Variants in CCNY observed in about 807,000 individuals in gnomAD.
CCNY encodes the protein cyclin-Y.
In CCNY, 19 loss-of-function variants were observed where a neutral mutation model predicts 42.8. The ratio of observed to expected loss-of-function variants is 0.44; its 90% CI spans 0.31 to 0.65. The LOEUF (loss-of-function observed/expected upper bound fraction) is 0.65, where lower values mean the gene tolerates loss of function less well. CCNY is among the 30% of genes least tolerant of loss of function. The pLI is 0.07. For synonymous variants in CCNY, 165 were observed against 162.7 expected, an observed-to-expected ratio of 1.01 and a Z score of -0.11; for missense variants, 370 against 437.3, an observed-to-expected ratio of 0.85 and a Z score of 1.37.
At chr10:35,485,701 G>A (rs574223517) in intron 2 of CCNY, among the ~76,000 whole-genome samples, 1 of 150,080 alleles carries the variant, frequency 6.7e-6, no homozygotes, top group South Asian at 2.1e-4. Flanking sequence ...CTCTGGCCTG[G>A]GCGACAGAGC....
intron 3 of CCNY, among the ~76,000 whole-genome samples, chr10:35,260,353 G>C (rs1421875431): frequency 1.3e-5 from 2 of 152,122 alleles, no homozygotes; most frequent in African/African-American, 4.8e-5. Context: ...GGCTGCCCCT[G>C]CTCCCACTAT....
chr10:35,293,742 G>A (rs930524804), intron 3 of CCNY, among the ~76,000 whole-genome samples: 5 of 149,662 alleles, frequency 3.3e-5, no homozygotes, highest in Non-Finnish European at 5.9e-5. Context: ...TGTCTTCTAA[G>A]TTTCATTTTC....
chr10:35,309,818 G>T (rs760070974), intron 3 of CCNY, among the ~76,000 whole-genome samples: 1 of 149,592 alleles, frequency 6.7e-6, no homozygotes, highest in Non-Finnish European at 1.5e-5. Flanking sequence ...TATTTATTTA[G>T]AGACAGAGTC....
At position 35,325,715 on chromosome 10, in the gene CCNY, C is replaced by T. The variant is rs1451997882; in HGVS notation, c.-9+75089C>T. The stretch of plus-strand genomic sequence containing the variant: ...AACTCCCTATCTCAGGTGATCCACC[C>T]GCCTCGGCCTCCCAAAGTGCTGGGA... On this transcript the variant is annotated intron_variant, in intron 3 of 11. Coordinates refer to the CCNY transcript ENST00000374706. Among the ~76,000 whole-genome samples, 5 of 152,076 alleles carry T rather than the reference C, an allele frequency of 3.3e-5. No homozygotes were observed. In the South Asian group the frequency reaches 6.2e-4, roughly 19 times the overall value.
intron 3 of CCNY, among the ~76,000 whole-genome samples, chr10:35,259,985 A>G (rs1056720123): frequency 6.6e-6 from 1 of 151,930 alleles, no homozygotes; most frequent in African/African-American, 2.4e-5. Flanking sequence ...TATTATACTA[A>G]TGTCCCAGGA....
intron 7 of CCNY, among the ~76,000 whole-genome samples, chr10:35,548,515 C>T (rs1841168742): frequency 6.6e-6 from 1 of 152,048 alleles, no homozygotes; most frequent in Admixed American, 6.5e-5. Context: ...CCAGGATGGT[C>T]TCGATCTCCT....
At chr10:35,446,087 G>A (rs1339617007) in intron 1 of CCNY, among the ~76,000 whole-genome samples, 1 of 152,086 alleles carries the variant, frequency 6.6e-6, no homozygotes, top group Non-Finnish European at 1.5e-5. Context: ...TCTCACGGGA[G>A]GATTAAACAC....
At chr10:35,340,504 C>CT (rs1210434335) in intron 1 of CCNY, among the ~76,000 whole-genome samples, 1,921 of 132,694 alleles carry the variant, frequency 0.014, 28 homozygotes, top group African/African-American at 0.028. Flanking sequence ...CAACTTCATT[C>CT]TTTTTTTTTT....
intron 1 of CCNY, among the ~76,000 whole-genome samples, chr10:35,449,556 G>A (rs1214044421): frequency 6.6e-6 from 1 of 151,792 alleles, no homozygotes. Flanking sequence ...GAGGCTGGTT[G>A]AGAGCTGTAG....
rs557630166 is a variant in CCNY, at chr10:35,460,978, G to A, written c.155-22426G>A. Among the ~76,000 whole-genome samples the A allele has an allele frequency of 5.9e-5, 9 of 152,296 alleles. No homozygotes were observed. In the East Asian group the frequency reaches 1.7e-3, roughly 29 times the overall value. ...ATCCACTTATTATAAACTGAGGGAG[G>A]GATGTGAAGAGTGGGGAGCAGTGGG... On this transcript the variant is annotated intron_variant, in intron 1 of 9. Transcript: ENST00000374704.
intron 3 of CCNY, among the ~76,000 whole-genome samples, chr10:35,275,075 T>C (rs1835221937): frequency 7.0e-6 from 1 of 142,682 alleles, no homozygotes; most frequent in East Asian, 2.0e-4. Context: ...TTTTTTTTTT[T>C]TTTTTTGAGA....
chr10:35,287,983 G>C (rs1019798732), intron 3 of CCNY, among the ~76,000 whole-genome samples: 3 of 152,114 alleles, frequency 2.0e-5, no homozygotes, highest in African/African-American at 7.2e-5. Context: ...ACCTAGGAGA[G>C]GGATTCCTAG....
intron 1 of CCNY, among the ~76,000 whole-genome samples, chr10:35,397,550 G>T (rs1479848418): frequency 6.6e-6 from 1 of 152,168 alleles, no homozygotes; most frequent in Admixed American, 6.5e-5. Flanking sequence ...ATTCTAGGAG[G>T]TAGGGGAGAG....
At chr10:35,431,950 T>G (rs1042150205) in intron 1 of CCNY, among the ~76,000 whole-genome samples, 1 of 152,212 alleles carries the variant, frequency 6.6e-6, no homozygotes, top group African/African-American at 2.4e-5. Context: ...TATGGAAGTT[T>G]ATAAGGTATT....
Position 35,348,915 on chromosome 10 carries a change from C to G in CCNY, c.154+11708C>G, listed in dbSNP as rs141364681. On this transcript the variant is annotated intron_variant, in intron 1 of 9. Coordinates refer to ENST00000374704, the MANE Select transcript of CCNY (RefSeq NM_145012.6). ...TTTTTTTTTGAAAATGAACCTTACTCTTGTATCCAGGATATTTTGTAAGGG... is the reference window on the plus strand; with the variant it reads ...TTTTTTTTTGAAAATGAACCTTACTGTTGTATCCAGGATATTTTGTAAGGG... Among the ~76,000 whole-genome samples the G allele has an allele frequency of 1.9e-4, 29 of 151,394 alleles. No individual in the cohort carries two copies. In the East Asian group the frequency reaches 5.2e-3, roughly 27 times the overall value.
chr10:35,307,200 T>A (rs1010167621), intron 3 of CCNY, among the ~76,000 whole-genome samples: 1 of 152,120 alleles, frequency 6.6e-6, no homozygotes, highest in Non-Finnish European at 1.5e-5. Flanking sequence ...TTAAGCGAGT[T>A]TATAAATTGA....
At chr10:35,520,638 A>T (rs1840528724) in intron 4 of CCNY, among the ~76,000 whole-genome samples, 1 of 152,152 alleles carries the variant, frequency 6.6e-6, no homozygotes, top group Non-Finnish European at 1.5e-5. Context: ...AAATAAACGT[A>T]TTTGCAAATT....
At chr10:35,548,378 A>T (rs1207741276) in intron 7 of CCNY, among the ~76,000 whole-genome samples, 1 of 150,724 alleles carries the variant, frequency 6.6e-6, no homozygotes, top group Non-Finnish European at 1.5e-5. Context: ...GGCTCACTGC[A>T]GCCTCCGCCT....
intron 3 of CCNY, among the ~76,000 whole-genome samples, chr10:35,507,675 C>T (rs909497136): frequency 1.3e-5 from 2 of 152,170 alleles, no homozygotes; most frequent in African/African-American, 4.8e-5. Flanking sequence ...GGGTTTCACT[C>T]CAGCCTGACA....
Sources: allele counts gnomAD v4.1 joint callset (sites outside exome capture counted in the v4.1 genomes callset), GRCh38; gene constraint gnomAD v4.1.1; transcripts MANE v1.5; gene names NCBI Gene and HGNC (gene_info 2026-07-23, HGNC 2026-07-21).